The following HIPK1 variants were observed in gnomAD, a reference collection of about 807,000 sequenced individuals.
HIPK1 encodes homeodomain-interacting protein kinase 1.
In HIPK1, 28 loss-of-function variants were observed where a neutral mutation model predicts 117.1. The observed-to-expected ratio is 0.24, with a 90% CI of 0.18 to 0.33. The LOEUF is 0.33. Ranked by LOEUF, HIPK1 falls within the 10% of genes least tolerant of loss-of-function variation. The pLI, the probability that HIPK1 is intolerant of heterozygous loss-of-function variation, is 1.00. For missense variants in HIPK1, 1,122 were observed against 1,475.1 expected, an observed-to-expected ratio of 0.76 and a Z score of 3.92; for synonymous variants, 605 against 562.5, an observed-to-expected ratio of 1.08 and a Z score of -1.07.
intron 2 of HIPK1, among the ~76,000 whole-genome samples, chr1:113,948,928 C>T (rs550448574): frequency 6.6e-6 from 1 of 152,078 alleles, no homozygotes; most frequent in Non-Finnish European, 1.5e-5. Flanking sequence ...ACCTCTGCCC[C>T]CCGGGTTCAA....
intron 8 of HIPK1, among the ~76,000 whole-genome samples, chr1:113,958,793 T>C (rs1204453340): frequency 1.3e-5 from 2 of 152,208 alleles, no homozygotes; most frequent in South Asian, 2.1e-4. Flanking sequence ...TCATTATTTA[T>C]TGAACTAAAA....
chr1:113,965,603 T>TAGGC (rs1021520083), intron 10 of HIPK1, among the ~76,000 whole-genome samples: 14 of 152,200 alleles, frequency 9.2e-5, no homozygotes, highest in Non-Finnish European at 1.5e-4. Flanking sequence ...CCAAAAGGAT[T>TAGGC]AGGCCTTTGG....
Position 113,966,242 on chromosome 1 carries a change from T to C in HIPK1, c.2351T>C (p.Met784Thr). ...CCCACAGCAATGATTCCAGAGGCCA[T>C]GGGGAGTGGACAGCAGCTAGCTGAC... ...VQPTAMIPEA[M>T]GSGQQLADWR... Residue 784 changes from methionine to threonine, a missense_variant, in exon 11 of 16, where the codon ATG becomes ACG. Met to Thr is a moderately conservative substitution (Grantham distance 81, BLOSUM62 -1). Around this residue, in one of 6 missense-constraint regions of HIPK1, gnomAD observed 731 missense variants for 860.4 expected, o/e 0.85. Coordinates refer to ENST00000426820, the MANE Select transcript of HIPK1 (RefSeq NM_198268.3). The C allele has an allele frequency of 2.5e-6, 4 of 1,613,778 alleles. No homozygotes were observed. The highest frequency in any genetic ancestry group is 3.4e-6 in the Non-Finnish European group (4 of 1,179,846).
chr1:113,945,414 C>T (rs985700463), intron 2 of HIPK1, among the ~76,000 whole-genome samples: 5 of 152,110 alleles, frequency 3.3e-5, no homozygotes, highest in Non-Finnish European at 5.9e-5. Flanking sequence ...ACTGTTAAGT[C>T]GAAATCATAC....
At chr1:113,957,453 C>A (rs550428169) in intron 7 of HIPK1, among the ~76,000 whole-genome samples, 167 bp downstream of exon 7, 5 of 152,296 alleles carry the variant, frequency 3.3e-5, no homozygotes, top group African/African-American at 1.2e-4. Context: ...TAATACTTAC[C>A]AGGCACAGGC....
In HIPK1 at chr1:113,941,523, C is replaced by T; in HGVS notation, c.1076+64C>T. The T allele has an allele frequency of 2.5e-6, 3 of 1,222,738 alleles. No homozygotes were observed. The highest frequency in any genetic ancestry group is 2.3e-6 in the Non-Finnish European group (2 of 860,358). The allele number at this position is 1,222,738 out of a possible 1,614,324, so 75.7% of individuals were successfully genotyped here. On this transcript the variant is annotated intron_variant, in intron 2 of 15. Coordinates refer to ENST00000426820, the MANE Select transcript of HIPK1 (RefSeq NM_198268.3). This position sits in a 1 kb window ranked among gnomAD's most constrained non-coding sequence, Gnocchi z 4.9. ...GTTCTGTCCTTATATTTAACATATACCCCGTAGGCTACATATAGCAATGAA... is the reference window on the plus strand; with the variant it reads ...GTTCTGTCCTTATATTTAACATATATCCCGTAGGCTACATATAGCAATGAA...
rs750616844 is a variant in HIPK1 at position 113,968,539 on chromosome 1, G to A, written c.2662G>A (p.Asp888Asn). 2.4e-5 allele frequency: 38 copies of A among 1,613,940 alleles called. No individual in the cohort carries two copies. Among genetic ancestry groups the A allele is most frequent in the Admixed American group, 6.7e-5 (4 of 60,006 alleles). ...TTATAATTCCTTGGTCCCTGTCCAA[G>A]ATCAGCATCAGCCCATCATCATTCC... Reference protein sequence around the residue: ...SSYNSLVPVQDQHQPIIIPDT... With the variant: ...SSYNSLVPVQNQHQPIIIPDT... The change falls in exon 13 of 16, where the codon GAT becomes AAT. Residue 888 changes from aspartate (D) to asparagine (N), a missense_variant. Transcript: ENST00000426820.
chr1:113,975,402 C>G lies in HIPK1; in HGVS notation c.*1890C>G, dbSNP rs1320751261. 1.3e-5 allele frequency: 2 copies of G among 152,906 alleles called. No individual in the cohort carries two copies. Among genetic ancestry groups the G allele is most frequent in the East Asian group, 1.9e-4 (1 of 5,328 alleles). 9.5% of individuals were successfully genotyped at this position (152,906 alleles called of 1,614,324 possible). ...ACAGAAGCATTTTCCCCATGTGGCT[C>G]TCTCACTGTGCGTTGCTACCTTGCT... On this transcript the variant is annotated 3_prime_UTR_variant, in exon 16 of 16. Transcript: ENST00000426820.
intron 5 of HIPK1, among the ~76,000 whole-genome samples, chr1:113,956,199 C>G (rs1050554060): frequency 6.6e-6 from 1 of 151,558 alleles, no homozygotes; most frequent in Non-Finnish European, 1.5e-5. Flanking sequence ...CTCAGCCTCC[C>G]AAGTAGCTGG....
chr1:113,953,587 G>A (rs957786708), intron 3 of HIPK1, among the ~76,000 whole-genome samples: 1 of 150,714 alleles, frequency 6.6e-6, no homozygotes, highest in East Asian at 2.0e-4. Flanking sequence ...GCGCGATCTC[G>A]GCTCACTGCA....
intron 5 of HIPK1, 116 bp downstream of exon 5, chr1:113,955,765 T>TA: frequency 3.4e-6 from 2 of 583,368 alleles, no homozygotes; most frequent in Non-Finnish European, 6.1e-6. Context: ...TCAGTTTTTA[T>TA]AAAAAATGCA....
At chr1:113,951,101 A>T in intron 2 of HIPK1, 1 of 351,506 alleles carries the variant, frequency 2.8e-6, no homozygotes, top group Non-Finnish European at 4.0e-6. Flanking sequence ...TGTAAGGATT[A>T]AGTGACTCAA....
chr1:113,962,329 C>T lies in HIPK1; in HGVS notation c.1994C>T (p.Ala665Val), dbSNP rs1672178348. Residue 665 changes from alanine (A) to valine (V), a missense_variant, in exon 9 of 16, where the codon GCA becomes GTA. Physicochemically the swap from Ala to Val is moderately conservative, Grantham distance 64 (BLOSUM62 0). Around this residue, in one of 6 missense-constraint regions of HIPK1, gnomAD observed 731 missense variants for 860.4 expected, o/e 0.85. Transcript: ENST00000426820. ...CPPAFQTGLQ[A>V]TTKHSGFPVR... The stretch of plus-strand genomic sequence containing the variant: ...CTGTTTTCAATAGCTGGACTACAAG[C>T]AACAACAAAGCATTCTGGATTCCCT... 3 of 1,613,560 alleles carry T rather than the reference C, an allele frequency of 1.9e-6. No individual in the cohort carries two copies. The highest frequency in any genetic ancestry group is 2.5e-6 in the Non-Finnish European group (3 of 1,179,656).
At chr1:113,929,752 C>T (rs1669713175) in intron 1 of HIPK1, 1 of 810,322 alleles carries the variant, frequency 1.2e-6, no homozygotes, top group African/African-American at 2.4e-5. Context: ...GGTGGTGGAG[C>T]GGGAGGGAGG....
intron 5 of HIPK1, 97 bp from the exon 6 acceptor site, chr1:113,956,530 A>T (rs1432425082): frequency 1.3e-6 from 1 of 770,522 alleles, no homozygotes; most frequent in African/African-American, 1.8e-5. Flanking sequence ...TTTTGATTAC[A>T]TATATACACA....
At chr1:113,971,673 G>A in intron 14 of HIPK1, 151 bp from the exon 15 acceptor site, 1 of 557,066 alleles carries the variant, frequency 1.8e-6, no homozygotes, top group South Asian at 3.6e-5. Context: ...GAAAAGAAAT[G>A]GGTGATAACA....
At chr1:113,962,468 T>C (rs775152459) in intron 9 of HIPK1, 30 bp downstream of exon 9, 1 of 1,606,094 alleles carries the variant, frequency 6.2e-7, no homozygotes, top group Non-Finnish European at 8.5e-7. Context: ...GGATACTCAG[T>C]ATTGCTAAAC....
rs546726019 is a variant in HIPK1 at position 113,976,077 on chromosome 1, G to A, written c.*2565G>A. The A allele has an allele frequency of 2.6e-5, 4 of 152,914 alleles. No individual in the cohort carries two copies. The highest frequency in any genetic ancestry group is 7.2e-5 in the African/African-American group (3 of 41,564). 9.5% of individuals were successfully genotyped at this position (152,914 alleles called of 1,614,324 possible). A position where few individuals can be genotyped will look rare whatever the true frequency, so the allele number is the denominator to read the frequency against. ...GCCTGGTCAGCCAGCTCTGTACCAG[G>A]TTGAACACCGAGGAGCTGTCAAAGT... is the stretch of plus-strand genomic sequence containing the variant. On this transcript the variant is annotated 3_prime_UTR_variant, in exon 16 of 16. Coordinates refer to ENST00000426820, the MANE Select transcript of HIPK1 (RefSeq NM_198268.3).
chr1:113,945,651 A>T (rs1010327724), intron 2 of HIPK1, among the ~76,000 whole-genome samples: 3 of 152,128 alleles, frequency 2.0e-5, no homozygotes, highest in Non-Finnish European at 4.4e-5. Flanking sequence ...TATACAAATA[A>T]TTCTTATCTT....
Sources: gnomAD v4.1 joint callset for allele counts (sites outside exome capture counted in the v4.1 genomes callset) on GRCh38, gnomAD v4.1.1 for gene constraint, gnomAD v4.1.1 regional missense constraint, Gnocchi (gnomAD v3.1) non-coding constraint, MANE v1.5 for transcripts, NCBI Gene and HGNC (gene_info 2026-07-23, HGNC 2026-07-21) for gene names.